Variants in SLC17A1 observed in about 807,000 individuals in gnomAD.
SLC17A1 encodes the protein sodium-dependent phosphate transport protein 1.
Under a neutral mutation model 53.5 loss-of-function variants are expected in SLC17A1, and 51 were observed. The observed-to-expected ratio is 0.95, with a 90% CI of 0.76 to 1.20. The LOEUF (loss-of-function observed/expected upper bound fraction) is 1.20, where lower values mean the gene tolerates loss of function less well. Among genes scored for constraint, SLC17A1 ranks in the 50% most tolerant of loss-of-function variants. The probability of loss-of-function intolerance (pLI) is 0.00; values close to 1 mark genes in which losing one functional copy is unlikely to be tolerated. For missense variants in SLC17A1, 538 were observed against 568.2 expected (o/e 0.95, Z 0.54); for synonymous variants, 179 against 198.8 (o/e 0.90, Z 0.84).
chr6:25,812,790 T>A, intron 8 of SLC17A1, 41 bp downstream of exon 8: 1 of 1,467,170 alleles, frequency 6.8e-7, no homozygotes. Context: ...GTACACAGAG[T>A]CTTTCGTGAA....
chr6:25,811,509 GGCAGGCAGACACCAAAGATT>G lies in SLC17A1; in HGVS notation c.1047_1066del (p.Ile350LeufsTer43). On this transcript the variant is annotated frameshift_variant, in exon 10 of 13. Coordinates refer to ENST00000244527, the MANE Select transcript of SLC17A1 (RefSeq NM_005074.5). LOFTEE classifies it high-confidence loss of function. ...GCTGTAGAAGGTGGAACTCAGGTAA[GGCAGGCAGACACCAAAGATT>G]GCAGGAAGGAGAAATCCTGGGGAGT... 2 of 1,614,012 alleles carry G rather than the reference GGCAGGCAGACACCAAAGATT, an allele frequency of 1.2e-6. No individual in the cohort carries two copies. The highest frequency in any genetic ancestry group is 1.7e-6 in the Non-Finnish European group (2 of 1,179,928).
Position 25,795,743 on chromosome 6 carries a change from ACACACCCACACC to A in SLC17A1, c.*2+3028_*2+3039del, listed in dbSNP as rs11279697. ...GTATTCCAGGGAATCTAAAATAAGC[ACACACCCACACC>A]CACACCCACAATTTAAGGTTGTCAT... On this transcript the variant is annotated intron_variant, in intron 12 of 12. Coordinates refer to ENST00000244527, the MANE Select transcript of SLC17A1 (RefSeq NM_005074.5). Among the ~76,000 whole-genome samples, 2 of 150,970 alleles carry A rather than the reference ACACACCCACACC, an allele frequency of 1.3e-5. 1 individual carries two copies. Among genetic ancestry groups the A allele is most frequent in the Non-Finnish European group, 3.0e-5 (2 of 67,688 alleles).
intron 10 of SLC17A1, among the ~76,000 whole-genome samples, chr6:25,810,108 C>G (rs1366907248): frequency 6.6e-6 from 1 of 152,000 alleles, no homozygotes; most frequent in Non-Finnish European, 1.5e-5. Context: ...ATATAAAAAT[C>G]AACTCAAAAT....
At chr6:25,815,732 A>G (rs539733892) in intron 6 of SLC17A1, among the ~76,000 whole-genome samples, 2 of 152,184 alleles carry the variant, frequency 1.3e-5, no homozygotes, top group East Asian at 3.9e-4. Context: ...ACTCTCCAGG[A>G]GTGGTCTTGG....
chr6:25,824,523 A>G (rs1308989669), intron 3 of SLC17A1, among the ~76,000 whole-genome samples: 1 of 151,948 alleles, frequency 6.6e-6, no homozygotes, highest in Non-Finnish European at 1.5e-5. Context: ...ATATAGATAC[A>G]TAAAATGAAT....
At chr6:25,799,046 C>T in intron 11 of SLC17A1, 127 bp from the exon 12 acceptor site, 1 of 791,830 alleles carries the variant, frequency 1.3e-6, no homozygotes, top group Non-Finnish European at 1.9e-6. Flanking sequence ...CATACTTATA[C>T]ATAGCCGAAA....
chr6:25,734,243 G>A, the SLC17A1 span, among the ~76,000 whole-genome samples: 1 of 152,110 alleles, frequency 6.6e-6, no homozygotes, highest in Admixed American at 6.5e-5. Flanking sequence ...TTTAGATAGC[G>A]ATATTTAGGA....
chr6:25,810,259 A>C (rs1335536132), intron 10 of SLC17A1, among the ~76,000 whole-genome samples: 1 of 152,178 alleles, frequency 6.6e-6, no homozygotes, highest in Non-Finnish European at 1.5e-5. Context: ...AAGACAGACA[A>C]ATGGGATTAT....
At chr6:25,748,930 T>C in the SLC17A1 span, among the ~76,000 whole-genome samples, 6 of 152,336 alleles carry the variant, frequency 3.9e-5, no homozygotes, top group African/African-American at 1.2e-4. Flanking sequence ...TATCTCAGAA[T>C]TGAACAAATG....
downstream of SLC17A1, chr6:25,777,979 C>A (rs758960195): frequency 4.3e-6 from 7 of 1,612,928 alleles, no homozygotes; most frequent in Non-Finnish European, 5.1e-6. Flanking sequence ...ATAGCTGGAG[C>A]CATCTCTCCT....
intron 3 of SLC17A1, among the ~76,000 whole-genome samples, chr6:25,821,999 C>A (rs183749204): frequency 6.6e-6 from 1 of 152,108 alleles, no homozygotes; most frequent in Admixed American, 6.5e-5. Context: ...AATGTGTAAT[C>A]CCATTAGTAA....
At chr6:25,727,153 T>C in the SLC17A1 span, 9 of 1,614,244 alleles carry the variant, frequency 5.6e-6, no homozygotes, top group Non-Finnish European at 7.6e-6. Context: ...GCATCACGTT[T>C]GGCTCACTAC....
the SLC17A1 span, chr6:25,773,320 A>G: frequency 3.5e-5 from 56 of 1,613,972 alleles, 1 homozygote; most frequent in South Asian, 4.9e-4. Context: ...CCTCTCATTT[A>G]TGATGATCCT....
At chr6:25,813,071 C>T (rs771796462) in intron 7 of SLC17A1, 24 bp downstream of exon 7, 20 of 1,610,866 alleles carry the variant, frequency 1.2e-5, no homozygotes, top group Non-Finnish European at 1.4e-5. Context: ...CTGGGAGATG[C>T]CAATATGGAG....
intron 6 of SLC17A1, among the ~76,000 whole-genome samples, chr6:25,818,248 C>T (rs1319860657): frequency 6.6e-6 from 1 of 152,154 alleles, no homozygotes; most frequent in Non-Finnish European, 1.5e-5. Flanking sequence ...TCTATGTGTC[C>T]TTTTATGAAA....
the SLC17A1 span, chr6:25,726,906 G>C: frequency 1.9e-6 from 3 of 1,609,596 alleles, no homozygotes; most frequent in African/African-American, 1.3e-5. Flanking sequence ...GTGTGTGGTA[G>C]CTATGCCGGA....
chr6:25,727,740 T>G, the SLC17A1 span, among the ~76,000 whole-genome samples: 1 of 151,980 alleles, frequency 6.6e-6, no homozygotes, highest in Non-Finnish European at 1.5e-5. Flanking sequence ...AGACAATCCT[T>G]GCTAGGCACC....
Position 25,813,179 on chromosome 6 carries a change from G to A in SLC17A1, c.651C>T (p.Phe217=), listed in dbSNP as rs1286940443. Residue 217 remains phenylalanine (F), a synonymous_variant, in exon 7 of 13, where the codon TTC becomes TTT. Coordinates refer to ENST00000244527, the MANE Select transcript of SLC17A1 (RefSeq NM_005074.5). Reference sequence around the variant, plus strand: ...CTTTGGGGTCATCATAAAACAGAACGAACCAGAGAAGACATACGGCACAGC... The same window carrying A: ...CTTTGGGGTCATCATAAAACAGAACAAACCAGAGAAGACATACGGCACAGC... ...ACGCAVCLLW[F]VLFYDDPKDH... The A allele has an allele frequency of 3.7e-6, 6 of 1,613,986 alleles. No individual in the cohort carries two copies. The highest frequency in any genetic ancestry group is 3.3e-5 in the South Asian group (3 of 91,074).
chr6:25,801,063 G>T (rs1763744036), intron 10 of SLC17A1, 83 bp from the exon 11 acceptor site: 2 of 787,864 alleles, frequency 2.5e-6, no homozygotes, highest in African/African-American at 1.7e-5. Flanking sequence ...AAATTTAAGA[G>T]AGATAATTGC....
Sources: allele counts gnomAD v4.1 joint callset (sites outside exome capture counted in the v4.1 genomes callset), GRCh38; gene constraint gnomAD v4.1.1; transcripts MANE v1.5; gene names NCBI Gene and HGNC (gene_info 2026-07-23, HGNC 2026-07-21).